The following NLRP10 variants were observed in gnomAD, a reference collection of about 807,000 sequenced individuals.
The protein encoded by NLRP10 is NLR family pyrin domain containing 10, also known as NACHT, LRR and PYD domains-containing protein 10.
A neutral mutation model predicts 8.2 loss-of-function variants in NLRP10; 7 were observed. The observed-to-expected ratio is 0.85, with a 90% CI of 0.48 to 1.60. The LOEUF is 1.60. Among genes scored for constraint, NLRP10 ranks in the 40% most tolerant of loss-of-function variants. The pLI, the probability that NLRP10 is intolerant of heterozygous loss-of-function variation, is 0.00. For synonymous variants in NLRP10, 338 were observed against 314.0 expected, an observed-to-expected ratio of 1.08 and a Z score of -0.81; for missense variants, 814 against 776.3, an observed-to-expected ratio of 1.05 and a Z score of -0.58.
At position 7,963,483 on chromosome 11, in the gene NLRP10, T is replaced by C. The variant is rs1941768372; in HGVS notation, c.13A>G (p.Lys5Glu). 13 of 1,610,828 alleles carry C rather than the reference T, an allele frequency of 8.1e-6. No individual in the cohort carries two copies. Among genetic ancestry groups the C allele is most frequent in the Non-Finnish European group, 1.1e-5 (13 of 1,178,074 alleles). Residue 5 changes from lysine to glutamate, a missense_variant, in exon 2 of 3, where the codon AAG becomes GAG. By Grantham distance (56) the Lys-to-Glu change is moderately conservative. Transcript: ENST00000691676. MAMA[K>E]ARKPREALLW... ...AATGCCTCCCGGGGCTTTCTGGCCT[T>C]GGCCATGGCCATGGTGATCTGGGGG...
At position 7,962,231 on chromosome 11, in the gene NLRP10, C is replaced by CTTTTTTTTTTTTTTTTTTTTTT. The variant is rs71452435; in HGVS notation, c.290-931_290-910dup. Among the ~76,000 whole-genome samples, 30 of 67,000 alleles carry CTTTTTTTTTTTTTTTTTTTTTT rather than the reference C, an allele frequency of 4.5e-4. 9 individuals carry two copies. Among genetic ancestry groups the CTTTTTTTTTTTTTTTTTTTTTT allele is most frequent in the East Asian group, 5.6e-4 (1 of 1,770 alleles). The allele number at this position is 67,000 out of a possible 152,430, so 44.0% of individuals were successfully genotyped here. A position where few individuals can be genotyped will look rare whatever the true frequency, so the allele number is the denominator to read the frequency against. ...CCAAAGGGACTAAGATAAGCCTGTT[C>CTTTTTTTTTTTTTTTTTTTTTT]TTTTTTTTTTTTTTTTTTTTTTGAG... On this transcript the variant is annotated intron_variant, in intron 2 of 2. Transcript: ENST00000691676.
At chr11:7,961,379 G>T (rs968280155) in intron 2 of NLRP10, 57 bp from the exon 3 acceptor site, 103 of 1,163,948 alleles carry the variant, frequency 8.8e-5, no homozygotes, top group Non-Finnish European at 1.0e-4. Flanking sequence ...AAGGCAAAAT[G>T]GCCCCTCCAA....
chr11:7,961,017 G>T lies in NLRP10; in HGVS notation c.595C>A (p.Arg199=). 1 of 1,614,150 alleles carries T rather than the reference G, an allele frequency of 6.2e-7. No individual in the cohort carries two copies. The highest frequency in any genetic ancestry group is 8.5e-7 in the Non-Finnish European group (1 of 1,180,034). ...DWATGTLYPG[R]FDYVFYVSCK... is the part of the protein sequence containing the mutation. ...CTTACATAAAAGACATAATCAAACC[G>T]GCCTGGGTACAGAGTACCGGTGGCC... Residue 199 remains arginine (R), a synonymous_variant, in exon 3 of 3, where the codon CGG becomes AGG. Transcript: ENST00000691676.
Position 7,959,498 on chromosome 11 carries a change from AC to A in NLRP10, c.*145del. The stretch of plus-strand genomic sequence containing the variant: ...GGATTGCATTGAATCTACAGATCAA[AC>A]TGGGGAAAACTAACATCTTAACAAT... On this transcript the variant is annotated 3_prime_UTR_variant, in exon 3 of 3. Coordinates refer to ENST00000691676, the MANE Select transcript of NLRP10 (RefSeq NM_001391958.1). 1 of 543,038 alleles carries A rather than the reference AC, an allele frequency of 1.8e-6. No individual in the cohort carries two copies. Among genetic ancestry groups the A allele is most frequent in the Admixed American group, 3.7e-5 (1 of 26,950 alleles). The allele number at this position is 543,038 out of a possible 1,614,324, so 33.6% of individuals were successfully genotyped here.
At position 7,965,226 on chromosome 11, in the gene NLRP10, G is replaced by C. The variant is rs1012941331; in HGVS notation, c.-46+20C>G. The C allele has an allele frequency of 3.3e-5, 5 of 152,226 alleles. No homozygotes were observed. Among genetic ancestry groups the C allele is most frequent in the African/African-American group, 1.2e-4 (5 of 41,456 alleles). 9.4% of individuals were successfully genotyped at this position (152,226 alleles called of 1,614,324 possible). The stretch of plus-strand genomic sequence containing the variant: ...CAACACTAGAACCTGCCAAGAAGAT[G>C]TCCAGTCTAGGCTGCTTACCACAGT... On this transcript the variant is annotated intron_variant, in intron 1 of 2. Coordinates refer to ENST00000691676, the MANE Select transcript of NLRP10 (RefSeq NM_001391958.1).
chr11:7,961,150 A>C lies in NLRP10; in HGVS notation c.462T>G (p.Ala154=). Residue 154 remains alanine (A), a synonymous_variant, in exon 3 of 3, where the codon GCT becomes GCG. Transcript: ENST00000691676. ...AGGGCTTTTCCCCTGAATCAAATAG[A>C]GCCTCCACCGTGACAGACTCCAGCT... is the stretch of plus-strand genomic sequence containing the variant. ...EQELESVTVE[A]LFDSGEKPSL... is the part of the protein sequence containing the mutation. 6.2e-7 allele frequency: 1 copy of C among 1,613,700 alleles called. No homozygotes were observed. Among genetic ancestry groups the C allele is most frequent in the Non-Finnish European group, 8.5e-7 (1 of 1,179,894 alleles).
In NLRP10 at chr11:7,960,212, A is replaced by T. The variant is rs1260366120; in HGVS notation, c.1400T>A (p.Ile467Asn). Residue 467 changes from isoleucine to asparagine, a missense_variant, in exon 3 of 3, where the codon ATC (isoleucine) becomes AAC (asparagine). Transcript: ENST00000691676. ...AIKKFYSFRH[I>N]SFQDFFHAMS... is the part of the protein sequence containing the mutation. ...GGCATGAAAAAAGTCCTGGAAGCTGATGTGGCGGAAGCTGTAGAACTTCTT... is the reference window on the plus strand; with the variant it reads ...GGCATGAAAAAAGTCCTGGAAGCTGTTGTGGCGGAAGCTGTAGAACTTCTT... The T allele has an allele frequency of 6.2e-7, 1 of 1,614,034 alleles. No homozygotes were observed. The highest frequency in any genetic ancestry group is 8.5e-7 in the Non-Finnish European group (1 of 1,180,026).
rs768922842 is a variant in NLRP10 at position 7,960,402 on chromosome 11, G to C, written c.1210C>G (p.Leu404Val). 6.2e-7 allele frequency: 1 copy of C among 1,614,026 alleles called. No homozygotes were observed. Among genetic ancestry groups the C allele is most frequent in the East Asian group, 2.2e-5 (1 of 44,878 alleles). Residue 404 changes from leucine to valine, a missense_variant, in exon 3 of 3, where the codon CTT (leucine) becomes GTT (valine). Leu to Val is a conservative substitution (Grantham distance 32, BLOSUM62 1). Coordinates refer to ENST00000691676, the MANE Select transcript of NLRP10 (RefSeq NM_001391958.1). ...CTCCTCAGGACCCTGTGCCGGGAAA[G>C]CTCGGAGCAGCCCCCATCATCATCG... ...PPDDDGGCSE[L>V]SRHRVLRSLC...
chr11:7,957,579 T>G lies in NLRP10; in HGVS notation c.*2065A>C, dbSNP rs1941639541. ...GTTTATTGTATTAAACTAATTATAC[T>G]TCAATAAAACTTTTTTTAAATACAG... On this transcript the variant is annotated 3_prime_UTR_variant, in exon 3 of 3. Coordinates refer to ENST00000691676, the MANE Select transcript of NLRP10 (RefSeq NM_001391958.1). 6.6e-6 allele frequency among the ~76,000 whole-genome samples: 1 copy of G among 152,132 alleles called. No homozygotes were observed. Among genetic ancestry groups the G allele is most frequent in the Admixed American group, 6.6e-5 (1 of 15,266 alleles).
At chr11:7,962,995 T>C (rs572678570) in intron 2 of NLRP10, among the ~76,000 whole-genome samples, 3 of 152,282 alleles carry the variant, frequency 2.0e-5, no homozygotes, top group African/African-American at 7.2e-5. Context: ...GGCTAGTCTT[T>C]TCTTAAATAA....
In NLRP10 at chr11:7,960,792, G is replaced by A. The variant is rs781429654; in HGVS notation, c.820C>T (p.Leu274=). ...GTATGTCTCCTAATTAGAAGGTGCA[G>A]CAGGCTCTCCTTGGGACTCAAACCC... ...KRGLSPKESL[L]HLLIRRHTLP... is the part of the protein sequence containing the mutation. Residue 274 remains leucine (L), a synonymous_variant, in exon 3 of 3, where the codon CTG becomes TTG. Coordinates refer to ENST00000691676, the MANE Select transcript of NLRP10 (RefSeq NM_001391958.1). 2.5e-6 allele frequency: 4 copies of A among 1,614,012 alleles called. No individual in the cohort carries two copies. The African/African-American group carries it at 5.3e-5, about 22-fold the overall frequency.
rs1248486132 is a variant in NLRP10, at chr11:7,960,989, C to A, written c.623G>T (p.Cys208Phe). Residue 208 changes from cysteine (C) to phenylalanine (F), a missense_variant, in exon 3 of 3, where the codon TGC becomes TTC. Coordinates refer to ENST00000691676, the MANE Select transcript of NLRP10 (RefSeq NM_001391958.1). The stretch of plus-strand genomic sequence containing the variant: ...CTCCAGCAGCAGGACCACTTCTTTG[C>A]AGCTTACATAAAAGACATAATCAAA... ...GRFDYVFYVS[C>F]KEVVLLLESK... is the part of the protein sequence containing the mutation. The A allele has an allele frequency of 1.2e-6, 2 of 1,614,070 alleles. No individual in the cohort carries two copies. The highest frequency in any genetic ancestry group is 2.7e-5 in the African/African-American group (2 of 74,918).
At position 7,959,749 on chromosome 11, in the gene NLRP10, G is replaced by A; in HGVS notation, c.1863C>T (p.Val621=). The change falls in exon 3 of 3, where the codon GTC becomes GTT. Residue 621 remains valine, a synonymous_variant. Coordinates refer to ENST00000691676, the MANE Select transcript of NLRP10 (RefSeq NM_001391958.1). ...TATCTTTGCCCTCCTTCTGTCCATG[G>A]ACAGAAGGACATTTTTGCTCCTCCT... is the stretch of plus-strand genomic sequence containing the variant. The part of the protein sequence containing the change: ...GPKEEQKCPS[V]HGQKEGKDNI... 6.2e-7 allele frequency: 1 copy of A among 1,613,342 alleles called. No individual in the cohort carries two copies. Among genetic ancestry groups the A allele is most frequent in the African/African-American group, 1.3e-5 (1 of 74,960 alleles).
In NLRP10 at chr11:7,961,130, T is replaced by TA. The variant is rs758032746; in HGVS notation, c.481_482insT (p.Lys161IlefsTer41). 7 of 1,613,854 alleles carry TA rather than the reference T, an allele frequency of 4.3e-6. No individual in the cohort carries two copies. In the South Asian group the frequency reaches 6.6e-5, roughly 15 times the overall value. On this transcript the variant is annotated frameshift_variant, in exon 3 of 3. Transcript: ENST00000691676. LOFTEE classifies it low-confidence loss of function (END_TRUNC). The stretch of plus-strand genomic sequence containing the variant: ...AACTAAGGATGGGGCCAGTGAGGGC[T>TA]TTTCCCCTGAATCAAATAGAGCCTC...
Position 7,958,230 on chromosome 11 carries a change from T to C in NLRP10, c.*1414A>G, listed in dbSNP as rs1277575188. On this transcript the variant is annotated 3_prime_UTR_variant, in exon 3 of 3. Coordinates refer to ENST00000691676, the MANE Select transcript of NLRP10 (RefSeq NM_001391958.1). ...TAAGTTTCCAACTCACTTGGGTTAA[T>C]ATCTAGGAGCATAATTGCTAGATCT... Among the ~76,000 whole-genome samples, 1 of 152,232 alleles carries C rather than the reference T, an allele frequency of 6.6e-6. No homozygotes were observed. The highest frequency in any genetic ancestry group is 2.4e-5 in the African/African-American group (1 of 41,468).
Position 7,960,082 on chromosome 11 carries a change from C to T in NLRP10, c.1530G>A (p.Met510Ile), listed in dbSNP as rs1941686750. ...EVKEQEGNDEMTLTMQFLLDI... is the reference protein window; with the variant it reads ...EVKEQEGNDEITLTMQFLLDI... The stretch of plus-strand genomic sequence containing the variant: ...CCAGTAAAAACTGCATAGTGAGGGT[C>T]ATCTCATCATTCCCTTCCTGCTCCT... Residue 510 changes from methionine to isoleucine, a missense_variant, in exon 3 of 3, where the codon ATG (methionine) becomes ATA (isoleucine). By Grantham distance (10) the Met-to-Ile change is conservative. Transcript: ENST00000691676. The T allele has an allele frequency of 6.2e-7, 1 of 1,614,126 alleles. No homozygotes were observed. Among genetic ancestry groups the T allele is most frequent in the Non-Finnish European group, 8.5e-7 (1 of 1,180,006 alleles).
chr11:7,959,830 C>A lies in NLRP10; in HGVS notation c.1782G>T (p.Lys594Asn), dbSNP rs375233764. ...VSFKIKHSNE[K>N]KSQSQNLFSV... ...AAAATAAATTCTGGCTCTGTGATTT[C>A]TTTTCATTTGAATGTTTTATCTTGA... The change falls in exon 3 of 3, where the codon AAG (lysine) becomes AAT (asparagine). Residue 594 changes from lysine (K) to asparagine (N), a missense_variant. Transcript: ENST00000691676. 1 of 1,613,780 alleles carries A rather than the reference C, an allele frequency of 6.2e-7. No homozygotes were observed. Among genetic ancestry groups the A allele is most frequent in the African/African-American group, 1.3e-5 (1 of 74,884 alleles).
In NLRP10 at chr11:7,959,440, T is replaced by C; in HGVS notation, c.*204A>G. 1 of 484,346 alleles carries C rather than the reference T, an allele frequency of 2.1e-6. No individual in the cohort carries two copies. Among genetic ancestry groups the C allele is most frequent in the Non-Finnish European group, 3.6e-6 (1 of 279,054 alleles). The allele number at this position is 484,346 out of a possible 1,614,324, so 30.0% of individuals were successfully genotyped here. ...ATAAACATTAGAATCATCTTATCAA[T>C]GTCCACAAAGTTATTTGCTGGGATC... On this transcript the variant is annotated 3_prime_UTR_variant, in exon 3 of 3. Coordinates refer to ENST00000691676, the MANE Select transcript of NLRP10 (RefSeq NM_001391958.1).
chr11:7,960,818 C>T lies in NLRP10; in HGVS notation c.794G>A (p.Arg265Lys). 1 of 1,614,088 alleles carries T rather than the reference C, an allele frequency of 6.2e-7. No homozygotes were observed. The highest frequency in any genetic ancestry group is 8.5e-7 in the Non-Finnish European group (1 of 1,180,034). The change falls in exon 3 of 3, where the codon AGG (arginine) becomes AAG (lysine). Residue 265 changes from arginine to lysine, a missense_variant. Coordinates refer to ENST00000691676, the MANE Select transcript of NLRP10 (RefSeq NM_001391958.1). ...QRPFEEKLKK[R>K]GLSPKESLLH... ...CAGGCTCTCCTTGGGACTCAAACCC[C>T]TCTTCTTCAACTTTTCTTCAAAGGG...
Sources: allele counts gnomAD v4.1 joint callset (sites outside exome capture counted in the v4.1 genomes callset), GRCh38; gene constraint gnomAD v4.1.1; transcripts MANE v1.5; gene names NCBI Gene and HGNC (gene_info 2026-07-23, HGNC 2026-07-21).